The following KCNQ5 variants were observed in gnomAD, a reference collection of about 807,000 sequenced individuals.
KCNQ5 encodes the protein potassium voltage-gated channel subfamily Q member 5, also known as potassium voltage-gated channel subfamily KQT member 5.
A neutral mutation model predicts 98.2 loss-of-function variants in KCNQ5; 30 were observed. That is an observed-to-expected ratio of 0.31 (90% CI 0.23 to 0.41). The LOEUF is 0.41. Among genes scored for constraint, KCNQ5 ranks in the 10% least tolerant of loss-of-function variants. KCNQ5 has a pLI of 1.00. For synonymous variants in KCNQ5, 458 were observed against 449.4 expected (o/e 1.02, Z -0.24); for missense variants, 835 against 1,182.5 (o/e 0.71, Z 4.31).
At chr6:73,058,273 G>T (rs533847061) in intron 3 of KCNQ5, among the ~76,000 whole-genome samples, 1 of 152,070 alleles carries the variant, frequency 6.6e-6, no homozygotes, top group African/African-American at 2.4e-5. Context: ...TTAGCTGGGC[G>T]AGGTGGCGGG....
chr6:73,075,371 T>C (rs908700584), intron 3 of KCNQ5, among the ~76,000 whole-genome samples: 7 of 152,022 alleles, frequency 4.6e-5, no homozygotes, highest in East Asian at 1.9e-4. Context: ...TACAGGCACG[T>C]GCCACCACAC....
At chr6:72,647,078 A>G (rs1231538752) in intron 1 of KCNQ5, among the ~76,000 whole-genome samples, 1 of 152,234 alleles carries the variant, frequency 6.6e-6, no homozygotes, top group Non-Finnish European at 1.5e-5. Flanking sequence ...AAACACCATT[A>G]TGCATATTCA....
At chr6:72,677,476 G>T (rs1767472864) in intron 1 of KCNQ5, among the ~76,000 whole-genome samples, 1 of 152,084 alleles carries the variant, frequency 6.6e-6, no homozygotes, top group South Asian at 2.1e-4. Context: ...AATTTACCTT[G>T]AAATGTTATC....
intron 2 of KCNQ5, among the ~76,000 whole-genome samples, chr6:73,038,203 T>A (rs1771526319): frequency 6.6e-6 from 1 of 151,732 alleles, no homozygotes; most frequent in African/African-American, 2.4e-5. Flanking sequence ...AGAAATATGA[T>A]TAATTTTTAT....
intron 1 of KCNQ5, among the ~76,000 whole-genome samples, chr6:73,002,758 A>C (rs1191916123): frequency 6.6e-6 from 1 of 152,182 alleles, no homozygotes; most frequent in East Asian, 1.9e-4. Flanking sequence ...TACATAAATG[A>C]ATGACTGTGA....
chr6:72,643,719 A>T (rs1765445125), intron 1 of KCNQ5, among the ~76,000 whole-genome samples: 3 of 152,314 alleles, frequency 2.0e-5, no homozygotes, highest in South Asian at 2.1e-4. Context: ...CAAACCTATC[A>T]ATCTGTTAAA....
At chr6:73,190,756 T>C in intron 12 of KCNQ5, 52 bp downstream of exon 12, 3 of 1,267,450 alleles carry the variant, frequency 2.4e-6, no homozygotes, top group Non-Finnish European at 3.2e-6. Context: ...AGAACCTATC[T>C]AGGAAGAACT....
chr6:72,643,894 C>A (rs1285781128), intron 1 of KCNQ5, among the ~76,000 whole-genome samples: 1 of 151,892 alleles, frequency 6.6e-6, no homozygotes, highest in African/African-American at 2.4e-5. Context: ...CTAGAAAAAA[C>A]ATAAAACTAT....
At chr6:72,957,188 T>A (rs962314141) in intron 1 of KCNQ5, among the ~76,000 whole-genome samples, 9 of 150,354 alleles carry the variant, frequency 6.0e-5, no homozygotes, top group African/African-American at 2.2e-4. Context: ...TTTTTTTTTT[T>A]GAGATAGGGT....
intron 1 of KCNQ5, among the ~76,000 whole-genome samples, chr6:72,784,165 G>A (rs1165933021): frequency 6.6e-6 from 1 of 151,922 alleles, no homozygotes; most frequent in Non-Finnish European, 1.5e-5. Flanking sequence ...TGCTGTGATG[G>A]ACACTCTTTC....
intron 1 of KCNQ5, among the ~76,000 whole-genome samples, chr6:72,943,847 C>T (rs554801964): frequency 6.6e-6 from 1 of 152,304 alleles, no homozygotes; most frequent in South Asian, 2.1e-4. Context: ...TGTGCATGAG[C>T]AAGAGAGAGA....
intron 1 of KCNQ5, among the ~76,000 whole-genome samples, chr6:72,798,982 A>G (rs1013454470): frequency 2.6e-5 from 4 of 152,116 alleles, no homozygotes; most frequent in African/African-American, 9.6e-5. Flanking sequence ...TGTGTGGGAT[A>G]TGTTTTTAAA....
chr6:72,662,617 A>G (rs1166708098), intron 1 of KCNQ5, among the ~76,000 whole-genome samples: 2 of 143,952 alleles, frequency 1.4e-5, no homozygotes, highest in Non-Finnish European at 3.1e-5. Flanking sequence ...TTTTTTTTTT[A>G]CAATACCTAA....
intron 1 of KCNQ5, among the ~76,000 whole-genome samples, chr6:72,729,659 G>A (rs1162058620): frequency 1.3e-5 from 2 of 152,206 alleles, no homozygotes; most frequent in East Asian, 3.9e-4. Context: ...AATATAAAGA[G>A]GGCTTCTTTA....
chr6:72,858,813 C>T (rs1472328759), intron 1 of KCNQ5, among the ~76,000 whole-genome samples: 3 of 152,006 alleles, frequency 2.0e-5, no homozygotes, highest in Non-Finnish European at 4.4e-5. Context: ...TAAAATTATG[C>T]ACACACATTC....
intron 1 of KCNQ5, among the ~76,000 whole-genome samples, chr6:72,967,996 T>C (rs532259566): frequency 6.6e-6 from 1 of 152,320 alleles, no homozygotes; most frequent in Non-Finnish European, 1.5e-5. Flanking sequence ...TCACTGTCTC[T>C]TCCTCATTCG....
In KCNQ5 at chr6:72,959,406, G is replaced by C. The variant is rs141407672; in HGVS notation, c.399-44502G>C. On this transcript the variant is annotated intron_variant, in intron 1 of 13. Transcript: ENST00000370398. ...AAAGAACTCCAAGGAACTCTCTAAG[G>C]AACATAGCTCCTAATAAAGGTTTCA... Among the ~76,000 whole-genome samples, 697 of 152,234 alleles carry C rather than the reference G, an allele frequency of 4.6e-3. 6 individuals carry two copies. The highest frequency in any genetic ancestry group is 0.016 in the African/African-American group (668 of 41,538).
chr6:72,760,567 A>G (rs1241981246), intron 1 of KCNQ5, among the ~76,000 whole-genome samples: 2 of 152,056 alleles, frequency 1.3e-5, no homozygotes, highest in South Asian at 2.1e-4. Flanking sequence ...AATAAAAGTG[A>G]AAGGCATTTT....
intron 8 of KCNQ5, 59 bp downstream of exon 8, chr6:73,120,636 A>T: frequency 9.3e-7 from 1 of 1,074,464 alleles, no homozygotes. Flanking sequence ...TGTTAAACAA[A>T]CCATACCCAC....
Sources: gnomAD v4.1 joint callset for allele counts (sites outside exome capture counted in the v4.1 genomes callset) on GRCh38, gnomAD v4.1.1 for gene constraint, MANE v1.5 for transcripts, NCBI Gene and HGNC (gene_info 2026-07-23, HGNC 2026-07-21) for gene names.